The following ROBO2 variants were observed in gnomAD, a reference collection of about 807,000 sequenced individuals.
ROBO2 encodes roundabout guidance receptor 2, also known as roundabout homolog 2.
A neutral mutation model predicts 160.8 loss-of-function variants in ROBO2; 53 were observed. The observed-to-expected ratio is 0.33, with a 90% CI of 0.26 to 0.41. ROBO2 has a LOEUF of 0.41. ROBO2 is among the 10% of genes least tolerant of loss of function. The pLI is 1.00. For synonymous variants in ROBO2, 664 were observed against 611.7 expected (o/e 1.09, Z -1.26); for missense variants, 1,577 against 1,722.4 (o/e 0.92, Z 1.49).
intron 2 of ROBO2, among the ~76,000 whole-genome samples, chr3:76,630,685 A>G (rs1180813509): frequency 6.6e-6 from 1 of 152,218 alleles, no homozygotes; most frequent in African/African-American, 2.4e-5. Flanking sequence ...GGAGAAATTG[A>G]CAAAGATTAA....
intron 2 of ROBO2, among the ~76,000 whole-genome samples, chr3:76,063,610 T>G (rs1350054517): frequency 6.6e-6 from 1 of 152,064 alleles, no homozygotes; most frequent in Non-Finnish European, 1.5e-5. Context: ...CCTCCCAAAG[T>G]GCTGGGATTA....
At chr3:76,334,829 T>A (rs907323423) in intron 2 of ROBO2, among the ~76,000 whole-genome samples, 1 of 152,100 alleles carries the variant, frequency 6.6e-6, no homozygotes, top group African/African-American at 2.4e-5. Context: ...GAAAAATTAA[T>A]GATTTAGTAA....
intron 2 of ROBO2, among the ~76,000 whole-genome samples, chr3:76,872,535 A>G: frequency 6.6e-6 from 1 of 152,068 alleles, no homozygotes. Context: ...AAATTCTTAT[A>G]TTTTCAAATA....
At chr3:76,290,125 A>T (rs1708731470) in intron 2 of ROBO2, among the ~76,000 whole-genome samples, 1 of 152,140 alleles carries the variant, frequency 6.6e-6, no homozygotes, top group Admixed American at 6.5e-5. Context: ...CTAATCCATG[A>T]GCATGGACTG....
In ROBO2 at chr3:76,603,351, AATATAT is replaced by A. The variant is rs71104603; in HGVS notation, c.110-494632_110-494627del. The stretch of plus-strand genomic sequence containing the variant: ...CATCTCCAAAAAAAAAAAAAAAAAA[AATATAT>A]ATATATATATATATATATATATATA... On this transcript the variant is annotated intron_variant, in intron 2 of 26. Transcript: ENST00000487694. Among the ~76,000 whole-genome samples, 73 of 26,398 alleles carry A rather than the reference AATATAT, an allele frequency of 2.8e-3. 2 individuals are homozygous for A. The highest frequency in any genetic ancestry group is 0.012 in the African/African-American group (51 of 4,242). The allele number at this position is 26,398 out of a possible 152,430, so 17.3% of individuals were successfully genotyped here. A position where few individuals can be genotyped will look rare whatever the true frequency, so the allele number is the denominator to read the frequency against.
chr3:77,600,035 T>C (rs1036744054), intron 19 of ROBO2, among the ~76,000 whole-genome samples: 1 of 152,142 alleles, frequency 6.6e-6, no homozygotes, highest in Non-Finnish European at 1.5e-5. Context: ...AGAGGAAGCA[T>C]TTCCATAACT....
chr3:76,597,704 G>A lies in ROBO2; in HGVS notation c.110-500310G>A, dbSNP rs534196997. Among the ~76,000 whole-genome samples, 30 of 145,504 alleles carry A rather than the reference G, an allele frequency of 2.1e-4. No homozygotes were observed. In the South Asian group the frequency reaches 6.2e-3, roughly 30 times the overall value. On this transcript the variant is annotated intron_variant, in intron 2 of 26. Transcript: ENST00000487694. Reference sequence around the variant, plus strand: ...ATCCCTCCCTCCTCCCACCCTCCCCGCTTAAGCAGGCCCCAGTGTCTGTTG... The same window carrying A: ...ATCCCTCCCTCCTCCCACCCTCCCCACTTAAGCAGGCCCCAGTGTCTGTTG...
intron 2 of ROBO2, among the ~76,000 whole-genome samples, chr3:76,460,922 A>G (rs17014222): frequency 0.049 from 7,525 of 152,262 alleles, 616 homozygotes; most frequent in African/African-American, 0.17. Context: ...TTACTAAATA[A>G]ATAGAACTAT....
chr3:76,273,294 G>A (rs562843700), intron 2 of ROBO2, among the ~76,000 whole-genome samples: 38 of 150,130 alleles, frequency 2.5e-4, no homozygotes, highest in African/African-American at 9.1e-4. Context: ...ACAGTTTTTC[G>A]AGGCAATTAT....
chr3:76,870,036 C>G (rs2071860267), intron 2 of ROBO2, among the ~76,000 whole-genome samples: 1 of 152,038 alleles, frequency 6.6e-6, no homozygotes, highest in African/African-American at 2.4e-5. Flanking sequence ...TTCCTAGGAC[C>G]TATTGCATGA....
chr3:77,127,025 A>G (rs939676401), intron 2 of ROBO2, among the ~76,000 whole-genome samples: 2 of 151,328 alleles, frequency 1.3e-5, no homozygotes, highest in South Asian at 2.1e-4. Flanking sequence ...TCCTGACCTC[A>G]TGATCCGCCC....
intron 2 of ROBO2, among the ~76,000 whole-genome samples, chr3:76,645,491 A>G (rs867401100): frequency 3.3e-5 from 5 of 152,200 alleles, no homozygotes; most frequent in African/African-American, 1.2e-4. Context: ...CAAGAGCGAA[A>G]CACAGTCCTT....
chr3:76,586,403 C>A lies in ROBO2; in HGVS notation c.110-511611C>A, dbSNP rs377388717. ...TTCAAGAATTAGATCCATACATTTG[C>A]AGGTGGGTTTTCAGAAATTAGTTCT... is the stretch of plus-strand genomic sequence containing the variant. On this transcript the variant is annotated intron_variant, in intron 2 of 26. Transcript: ENST00000487694. Among the ~76,000 whole-genome samples the A allele has an allele frequency of 2.8e-4, 42 of 152,276 alleles. 2 individuals carry two copies. Among genetic ancestry groups the A allele is most frequent in the South Asian group, 2.7e-3 (13 of 4,832 alleles).
At chr3:76,538,575 A>G (rs1357041115) in intron 2 of ROBO2, among the ~76,000 whole-genome samples, 1 of 152,058 alleles carries the variant, frequency 6.6e-6, no homozygotes, top group East Asian at 1.9e-4. Flanking sequence ...GTGAAAACCA[A>G]TTGTTTTTTC....
intron 2 of ROBO2, among the ~76,000 whole-genome samples, chr3:77,168,238 G>T (rs2079286115): frequency 6.6e-6 from 1 of 152,150 alleles, no homozygotes; most frequent in African/African-American, 2.4e-5. Context: ...GAAGTCAGTG[G>T]CAGAATGGCT....
chr3:76,354,965 A>AT (rs1346094494), intron 2 of ROBO2, among the ~76,000 whole-genome samples: 3 of 151,688 alleles, frequency 2.0e-5, no homozygotes, highest in African/African-American at 7.3e-5. Context: ...CCAGTGAAAT[A>AT]TTTTGTTAAG....
chr3:75,953,099 A>T (rs2107204132), intron 2 of ROBO2, among the ~76,000 whole-genome samples: 1 of 152,082 alleles, frequency 6.6e-6, no homozygotes, highest in African/African-American at 2.4e-5. Context: ...TTTTGTGTGC[A>T]TGTAAGTTTT....
intron 2 of ROBO2, among the ~76,000 whole-genome samples, chr3:76,159,177 G>T (rs1477259820): frequency 6.6e-6 from 1 of 152,098 alleles, no homozygotes; most frequent in Non-Finnish European, 1.5e-5. Flanking sequence ...TTTGGATTTT[G>T]TGTTGTGAAA....
intron 2 of ROBO2, among the ~76,000 whole-genome samples, chr3:76,178,452 T>G (rs2073307029): frequency 6.6e-6 from 1 of 152,180 alleles, no homozygotes; most frequent in Middle Eastern, 3.2e-3. Context: ...GAGTTTATAC[T>G]ACAGGATTTT....
Sources: gnomAD v4.1 joint callset for allele counts (sites outside exome capture counted in the v4.1 genomes callset) on GRCh38, gnomAD v4.1.1 for gene constraint, MANE v1.5 for transcripts, NCBI Gene and HGNC (gene_info 2026-07-23, HGNC 2026-07-21) for gene names.